PHGDH: variants seen among roughly 807,000 people sequenced by gnomAD.
PHGDH encodes the protein phosphoglycerate dehydrogenase.
In PHGDH, 50 loss-of-function variants were observed where a neutral mutation model predicts 52.6. That is an observed-to-expected ratio of 0.95 (90% CI 0.76 to 1.20). The LOEUF is 1.20. Among genes scored for constraint, PHGDH ranks in the 50% most tolerant of loss-of-function variants. The probability of loss-of-function intolerance (pLI) is 0.00; values close to 1 mark genes in which losing one functional copy is unlikely to be tolerated. For synonymous variants in PHGDH, 271 were observed against 280.5 expected (o/e 0.97, Z 0.34); for missense variants, 630 against 684.6 (o/e 0.92, Z 0.89).
chr1:119,712,287 TG>T (rs1423817944), intron 1 of PHGDH, 127 bp downstream of exon 1: 6 of 629,962 alleles, frequency 9.5e-6, no homozygotes, highest in African/African-American at 3.8e-5. Context: ...CTCCTGAGAT[TG>T]GGGGGTAGAG....
In PHGDH at chr1:119,742,887, C is replaced by T. The variant is rs1393433949; in HGVS notation, c.1290C>T (p.Ala430=). The change falls in exon 11 of 12, where the codon GCC becomes GCT. Residue 430 remains alanine, a synonymous_variant. Coordinates refer to ENST00000641023, the MANE Select transcript of PHGDH (RefSeq NM_006623.4). ...ECLLAVALAG[A]PYQAVGLVQG... ...TCCTGGCCGTGGCCCTGGCAGGCGC[C>T]CCTTACCAGGCTGTGGGCTTGGTCC... 6.2e-7 allele frequency: 1 copy of T among 1,613,926 alleles called. No individual in the cohort carries two copies. The highest frequency in any genetic ancestry group is 1.3e-5 in the African/African-American group (1 of 74,950).
chr1:119,742,407 G>A, intron 10 of PHGDH: 1 of 395,558 alleles, frequency 2.5e-6, no homozygotes, highest in Non-Finnish European at 4.7e-6. Context: ...AGGCAGTAGA[G>A]CTGCCATGTC....
chr1:119,727,213 C>T, intron 5 of PHGDH, 111 bp downstream of exon 5: 1 of 734,802 alleles, frequency 1.4e-6, no homozygotes. Flanking sequence ...CTGACCCTCT[C>T]TTGGAGCCCC....
At chr1:119,720,077 C>T (rs1651083437) in intron 1 of PHGDH, 1 of 152,180 alleles carries the variant, frequency 6.6e-6, no homozygotes, top group African/African-American at 2.4e-5. Context: ...CACTTTGGGA[C>T]AGAGTGTGGA....
intron 5 of PHGDH, among the ~76,000 whole-genome samples, chr1:119,730,222 C>G (rs1242044319): frequency 6.6e-6 from 1 of 152,196 alleles, no homozygotes; most frequent in East Asian, 1.9e-4. Flanking sequence ...AGCACCCAGA[C>G]AGGAAATGAG....
intron 5 of PHGDH, among the ~76,000 whole-genome samples, chr1:119,731,681 A>G (rs1651698679): frequency 6.6e-6 from 1 of 152,224 alleles, no homozygotes; most frequent in Non-Finnish European, 1.5e-5. Context: ...GGAAGGTTCT[A>G]TGATATGCTG....
chr1:119,730,678 TGATGGGTATTTA>T (rs1365742653), intron 5 of PHGDH, among the ~76,000 whole-genome samples: 17 of 152,244 alleles, frequency 1.1e-4, no homozygotes, highest in African/African-American at 4.1e-4. Context: ...ATTCTCTCAA[TGATGGGTATTTA>T]GATTGTGTAT....
At chr1:119,727,142 C>T in intron 5 of PHGDH, 40 bp downstream of exon 5, 2 of 1,297,282 alleles carry the variant, frequency 1.5e-6, no homozygotes, top group Non-Finnish European at 2.2e-6. Flanking sequence ...GGACTTTCTG[C>T]AGCAATTTTG....
intron 3 of PHGDH, 44 bp from the exon 4 acceptor site, chr1:119,726,807 C>T (rs370818241): frequency 2.9e-5 from 45 of 1,541,040 alleles, no homozygotes; most frequent in East Asian, 1.6e-4. Context: ...CCTGGGCTGG[C>T]GGGAGTCCGA....
intron 5 of PHGDH, 64 bp from the exon 6 acceptor site, chr1:119,734,570 C>G: frequency 2.1e-6 from 3 of 1,460,302 alleles, no homozygotes; most frequent in Non-Finnish European, 2.9e-6. Context: ...GTTTGCCATT[C>G]TTAATAATAA....
chr1:119,714,782 G>A (rs1293197302), intron 1 of PHGDH, among the ~76,000 whole-genome samples: 1 of 152,156 alleles, frequency 6.6e-6, no homozygotes, highest in African/African-American at 2.4e-5. Context: ...GGAGGGCTGA[G>A]GCCCTGGTTG....
At chr1:119,715,861 AAG>A (rs1007581934) in intron 1 of PHGDH, 3 of 152,348 alleles carry the variant, frequency 2.0e-5, no homozygotes, top group African/African-American at 7.2e-5. Flanking sequence ...AGGAATGACA[AAG>A]AGAGGGGAGG....
intron 2 of PHGDH, chr1:119,721,740 T>C: frequency 5.2e-6 from 1 of 193,504 alleles, no homozygotes; most frequent in Non-Finnish European, 1.1e-5. Context: ...TTGTCAGCTC[T>C]ACTTTACTGT....
chr1:119,728,046 C>T (rs1257374217), intron 5 of PHGDH, among the ~76,000 whole-genome samples: 1 of 151,988 alleles, frequency 6.6e-6, no homozygotes, highest in Non-Finnish European at 1.5e-5. Context: ...AAATCTCCAC[C>T]CAGGAGTGTG....
At chr1:119,724,785 G>C in intron 3 of PHGDH, 1 of 456,492 alleles carries the variant, frequency 2.2e-6, no homozygotes, top group Non-Finnish European at 4.4e-6. Context: ...CCTTTTCCAG[G>C]ACCAGCTTTG....
intron 1 of PHGDH, chr1:119,712,752 GAAGGCAGCCCTCGT>G (rs1018504134): frequency 5.2e-5 from 9 of 171,854 alleles, no homozygotes; most frequent in African/African-American, 2.2e-4. Flanking sequence ...AGCTGGAGGG[GAAGGCAGCCCTCGT>G]AAGGCAGCAA....
chr1:119,742,663 G>A, intron 10 of PHGDH, 144 bp from the exon 11 acceptor site: 1 of 685,806 alleles, frequency 1.5e-6, no homozygotes, highest in Non-Finnish European at 2.7e-6. Flanking sequence ...TGGCCCATTT[G>A]CCCTCTCCCT....
intron 1 of PHGDH, among the ~76,000 whole-genome samples, chr1:119,716,397 G>A (rs1650939227): frequency 6.6e-6 from 1 of 152,188 alleles, no homozygotes; most frequent in Non-Finnish European, 1.5e-5. Context: ...AAACAATAGT[G>A]CTGTTTCTGT....
rs59674663 is a variant in PHGDH, at chr1:119,722,898, C to CAAA, written c.291-463_291-461dup. Among the ~76,000 whole-genome samples the CAAA allele has an allele frequency of 1.9e-3, 165 of 88,676 alleles. 1 individual carries two copies. Among genetic ancestry groups the CAAA allele is most frequent in the Non-Finnish European group, 3.3e-3 (136 of 41,736 alleles). The allele number at this position is 88,676 out of a possible 152,430, so 58.2% of individuals were successfully genotyped here. Reference sequence around the variant, plus strand: ...CCTGGGTGACAGAGCGAGGCCTTGTCAAAAAAAAAAAAAAAAAGCCAGGTT... The same window carrying CAAA: ...CCTGGGTGACAGAGCGAGGCCTTGTCAAAAAAAAAAAAAAAAAAAAGCCAGGTT... On this transcript the variant is annotated intron_variant, in intron 2 of 11. Transcript: ENST00000641023.
Sources: gnomAD v4.1 joint callset for allele counts (sites outside exome capture counted in the v4.1 genomes callset) on GRCh38, gnomAD v4.1.1 for gene constraint, MANE v1.5 for transcripts, NCBI Gene and HGNC (gene_info 2026-07-23, HGNC 2026-07-21) for gene names.